Variants in UNC13C observed in about 807,000 individuals in gnomAD.
UNC13C encodes protein unc-13 homolog C.
A neutral mutation model predicts 245.4 loss-of-function variants in UNC13C; 174 were observed. That is an observed-to-expected ratio of 0.71 (90% CI 0.63 to 0.80). The LOEUF (loss-of-function observed/expected upper bound fraction) is 0.80. Ranked by LOEUF, UNC13C falls within the 30% of genes least tolerant of loss-of-function variation. The pLI is 0.00. For missense variants in UNC13C, 2,829 were observed against 2,602.9 expected, an observed-to-expected ratio of 1.09 and a Z score of -1.89; for synonymous variants, 992 against 895.1, an observed-to-expected ratio of 1.11 and a Z score of -1.93.
chr15:54,183,261 A>G (rs1231350595), intron 4 of UNC13C, among the ~76,000 whole-genome samples: 1 of 151,730 alleles, frequency 6.6e-6, no homozygotes, highest in Non-Finnish European at 1.5e-5. Flanking sequence ...TAAGAAAAAC[A>G]TTAAATAAAT....
chr15:54,217,828 T>C (rs1210835351), intron 4 of UNC13C, among the ~76,000 whole-genome samples: 1 of 151,900 alleles, frequency 6.6e-6, no homozygotes, highest in Non-Finnish European at 1.5e-5. Context: ...CCCTCTTTAG[T>C]GTGAGGTCTC....
intron 2 of UNC13C, among the ~76,000 whole-genome samples, chr15:54,123,408 AT>A (rs942891985): frequency 5.0e-4 from 75 of 151,326 alleles, no homozygotes; most frequent in African/African-American, 1.8e-3. Flanking sequence ...AATATAAATT[AT>A]TTTCATATGT....
rs181173550 is a variant in UNC13C at position 54,295,969 on chromosome 15, C to A, written c.3989-1842C>A. 5.1e-4 allele frequency among the ~76,000 whole-genome samples: 77 copies of A among 152,270 alleles called. 1 individual carries two copies. The highest frequency in any genetic ancestry group is 1.7e-3 in the African/African-American group (72 of 41,558). On this transcript the variant is annotated intron_variant, in intron 11 of 32. Transcript: ENST00000260323. ...TCCAAACAAATAACCTATTTCTATT[C>A]TTGATACAACCCTCCTTATCACTTA...
intron 2 of UNC13C, among the ~76,000 whole-genome samples, chr15:54,016,526 A>T (rs1226718964): frequency 6.6e-6 from 1 of 152,222 alleles, no homozygotes; most frequent in East Asian, 1.9e-4. Flanking sequence ...AGAAGAGATC[A>T]GTAAGGGGAT....
intron 2 of UNC13C, among the ~76,000 whole-genome samples, chr15:54,042,872 A>G (rs989095776): frequency 1.6e-5 from 2 of 122,748 alleles, no homozygotes; most frequent in African/African-American, 5.4e-5. Flanking sequence ...AAAGAAAAAG[A>G]AAAAGAAACC....
chr15:54,401,369 T>G (rs1201037771), intron 18 of UNC13C, among the ~76,000 whole-genome samples: 4 of 152,144 alleles, frequency 2.6e-5, no homozygotes, highest in Non-Finnish European at 5.9e-5. Context: ...CTACTGTGCC[T>G]GCCACAGTCA....
chr15:54,143,702 T>G lies in UNC13C; in HGVS notation c.3071+18T>G. The G allele has an allele frequency of 2.5e-6, 4 of 1,604,998 alleles. No homozygotes were observed. The highest frequency in any genetic ancestry group is 3.4e-6 in the Non-Finnish European group (4 of 1,172,628). The stretch of plus-strand genomic sequence containing the variant: ...TGTGGTGGGTAAGTACCTTCATACC[T>G]TTCTAATTTATTCCATTCATAGATG... On this transcript the variant is annotated intron_variant, in intron 4 of 32. Transcript: ENST00000260323.
chr15:54,343,320 A>G (rs2038780235), intron 17 of UNC13C, among the ~76,000 whole-genome samples: 1 of 152,056 alleles, frequency 6.6e-6, no homozygotes, highest in South Asian at 2.1e-4. Flanking sequence ...TTTAGTAGAG[A>G]CAGGGTTTCA....
At chr15:54,203,490 A>G (rs199512579) in intron 4 of UNC13C, among the ~76,000 whole-genome samples, 26,043 of 118,880 alleles carry the variant, frequency 0.22, 3,050 homozygotes, top group Middle Eastern at 0.37. Flanking sequence ...GTGTGTATAT[A>G]TATATATATA....
chr15:54,101,383 C>T (rs1177321366), intron 2 of UNC13C, among the ~76,000 whole-genome samples: 3 of 152,062 alleles, frequency 2.0e-5, no homozygotes, highest in African/African-American at 7.2e-5. Flanking sequence ...TCCTTTTGTT[C>T]TCATCTCTCA....
chr15:54,197,903 A>T (rs1462964983), intron 4 of UNC13C, among the ~76,000 whole-genome samples: 1 of 152,100 alleles, frequency 6.6e-6, no homozygotes, highest in Admixed American at 6.6e-5. Context: ...ATTATCAACA[A>T]GGAGGCTCAT....
At chr15:54,437,238 C>G (rs867197397) in intron 19 of UNC13C, among the ~76,000 whole-genome samples, 1 of 151,906 alleles carries the variant, frequency 6.6e-6, no homozygotes, top group Non-Finnish European at 1.5e-5. Flanking sequence ...AAATACATGT[C>G]CATCTTTAGC....
intron 2 of UNC13C, among the ~76,000 whole-genome samples, chr15:54,024,603 A>G (rs1486196030): frequency 6.6e-6 from 1 of 152,140 alleles, no homozygotes; most frequent in South Asian, 2.1e-4. Context: ...ATTTCAGCCT[A>G]TTGTATGCTT....
At chr15:54,258,170 A>T (rs191161941) in intron 8 of UNC13C, among the ~76,000 whole-genome samples, 1 of 152,188 alleles carries the variant, frequency 6.6e-6, no homozygotes, top group Admixed American at 6.5e-5. Context: ...TGTCAAAAAA[A>T]TAAATAAGTT....
chr15:54,558,606 C>T (rs569636355), intron 29 of UNC13C, among the ~76,000 whole-genome samples: 2 of 152,078 alleles, frequency 1.3e-5, no homozygotes, highest in African/African-American at 4.8e-5. Flanking sequence ...AATATTAAAA[C>T]TTTAATTGGA....
rs138167464 is a variant in UNC13C at position 54,604,508 on chromosome 15, C to A, written c.6107-17819C>A. Reference sequence around the variant, plus strand: ...TTGCAGTTTTGGGGGATCACTGATACCTCTTTCCTCAAGGGGCTAACTTTC... The same window carrying A: ...TTGCAGTTTTGGGGGATCACTGATAACTCTTTCCTCAAGGGGCTAACTTTC... On this transcript the variant is annotated intron_variant, in intron 30 of 32. Transcript: ENST00000260323. Among the ~76,000 whole-genome samples the A allele has an allele frequency of 9.6e-3, 1,466 of 152,180 alleles. 24 individuals are homozygous for A. The highest frequency in any genetic ancestry group is 0.034 in the African/African-American group (1,424 of 41,522).
In UNC13C at chr15:54,622,317, T is replaced by G; in HGVS notation, c.6107-10T>G. ...AAAGCTCAGGCCAGTAAGCCTCTGC[T>G]TATTTTCAGGTCGTTCCTCCAAAGA... On this transcript the variant is annotated splice_polypyrimidine_tract_variant and intron_variant, in intron 30 of 32. Coordinates refer to ENST00000260323, the MANE Select transcript of UNC13C (RefSeq NM_001080534.3). 6.2e-7 allele frequency: 1 copy of G among 1,608,388 alleles called. No individual in the cohort carries two copies. Among genetic ancestry groups the G allele is most frequent in the Non-Finnish European group, 8.5e-7 (1 of 1,175,024 alleles).
intron 17 of UNC13C, among the ~76,000 whole-genome samples, chr15:54,345,777 G>A (rs576255983): frequency 1.4e-4 from 22 of 152,150 alleles, no homozygotes; most frequent in Admixed American, 2.0e-4. Flanking sequence ...TTACTCAGAG[G>A]ATGAAGTCCA....
chr15:54,269,856 A>G (rs1378274868), intron 10 of UNC13C, among the ~76,000 whole-genome samples: 1 of 152,182 alleles, frequency 6.6e-6, no homozygotes, highest in Non-Finnish European at 1.5e-5. Context: ...TATTTTTTAA[A>G]CATCATTTCA....
Sources: allele counts gnomAD v4.1 joint callset (sites outside exome capture counted in the v4.1 genomes callset), GRCh38; gene constraint gnomAD v4.1.1; transcripts MANE v1.5; gene names NCBI Gene and HGNC (gene_info 2026-07-23, HGNC 2026-07-21).